The following ANGPT2 variants were observed in gnomAD, a reference collection of about 807,000 sequenced individuals.
The protein encoded by ANGPT2 is angiopoietin-2.
A neutral mutation model predicts 62.9 loss-of-function variants in ANGPT2; 28 were observed. The observed-to-expected ratio is 0.44, with a 90% CI of 0.33 to 0.61. The LOEUF is 0.61. Ranked by LOEUF, ANGPT2 falls within the 20% of genes least tolerant of loss-of-function variation. The pLI is 0.03. For synonymous variants in ANGPT2, 284 were observed against 207.8 expected, an observed-to-expected ratio of 1.37 and a Z score of -3.15; for missense variants, 727 against 594.9, an observed-to-expected ratio of 1.22 and a Z score of -2.31.
intron 1 of ANGPT2, among the ~76,000 whole-genome samples, chr8:6,548,469 C>T (rs1823008566): frequency 1.3e-5 from 2 of 152,138 alleles, no homozygotes; most frequent in East Asian, 1.9e-4. Flanking sequence ...CTCCTCTGCC[C>T]AGCTCGAGGA....
intron 7 of ANGPT2, among the ~76,000 whole-genome samples, chr8:6,510,652 T>C (rs775677716): frequency 2.6e-5 from 4 of 152,208 alleles, no homozygotes; most frequent in Admixed American, 1.3e-4. Flanking sequence ...GGTCAGACTC[T>C]TAAGTCATGG....
intron 1 of ANGPT2, among the ~76,000 whole-genome samples, chr8:6,538,935 C>G (rs1013237511): frequency 6.6e-6 from 1 of 152,164 alleles, no homozygotes; most frequent in Non-Finnish European, 1.5e-5. Context: ...GTTCTTGGTT[C>G]CCTGTCATGA....
chr8:6,518,922 T>C (rs80272031), intron 5 of ANGPT2, among the ~76,000 whole-genome samples: 1 of 152,118 alleles, frequency 6.6e-6, no homozygotes, highest in African/African-American at 2.4e-5. Context: ...TTTTTTTTTT[T>C]CCTTATCTAA....
intron 1 of ANGPT2, among the ~76,000 whole-genome samples, chr8:6,558,638 C>T (rs1825028901): frequency 6.6e-6 from 1 of 152,104 alleles, no homozygotes; most frequent in Admixed American, 6.6e-5. Context: ...AGTATTTAGA[C>T]TATATGGATT....
Position 6,526,301 on chromosome 8 carries a change from A to G in ANGPT2, c.566+1254T>C, listed in dbSNP as rs1818327681. On this transcript the variant is annotated intron_variant, in intron 3 of 8. Transcript: ENST00000629816. Reference sequence around the variant, plus strand: ...AAAAAAAAAATCAGCTGGGTGTGTGACACATGCCTGTAGTCCCAGCTACTC... The same window carrying G: ...AAAAAAAAAATCAGCTGGGTGTGTGGCACATGCCTGTAGTCCCAGCTACTC... Among the ~76,000 whole-genome samples, 3 of 147,536 alleles carry G rather than the reference A, an allele frequency of 2.0e-5. No homozygotes were observed. The South Asian group carries it at 6.5e-4, about 32-fold the overall frequency.
chr8:6,518,458 C>T (rs566195780), intron 5 of ANGPT2, among the ~76,000 whole-genome samples: 2 of 152,248 alleles, frequency 1.3e-5, no homozygotes, highest in East Asian at 3.9e-4. Flanking sequence ...AACTAATTTT[C>T]AGGGTTGATT....
chr8:6,517,538 T>C (rs1238746720), intron 5 of ANGPT2, among the ~76,000 whole-genome samples: 1 of 152,198 alleles, frequency 6.6e-6, no homozygotes, highest in Non-Finnish European at 1.5e-5. Flanking sequence ...CAAAGACCAA[T>C]TGAACATTCT....
At chr8:6,534,543 A>G (rs943224223) in intron 1 of ANGPT2, among the ~76,000 whole-genome samples, 5 of 152,226 alleles carry the variant, frequency 3.3e-5, no homozygotes, top group African/African-American at 9.6e-5. Flanking sequence ...TGCTGGGACT[A>G]CGAGCGTGAG....
intron 6 of ANGPT2, among the ~76,000 whole-genome samples, chr8:6,514,112 A>G (rs527264568): frequency 1.3e-5 from 2 of 152,358 alleles, no homozygotes; most frequent in African/African-American, 4.8e-5. Flanking sequence ...TAAACAGCTC[A>G]GTTCATGGGA....
chr8:6,543,949 T>C (rs940057657), intron 1 of ANGPT2, among the ~76,000 whole-genome samples: 2 of 152,256 alleles, frequency 1.3e-5, no homozygotes, highest in Non-Finnish European at 2.9e-5. Flanking sequence ...GGCTATGTTT[T>C]GCACCTTAAT....
At chr8:6,558,171 A>T (rs1393159010) in intron 1 of ANGPT2, among the ~76,000 whole-genome samples, 1 of 152,218 alleles carries the variant, frequency 6.6e-6, no homozygotes, top group Non-Finnish European at 1.5e-5. Context: ...TACGTGTTTT[A>T]AAAAGAAGGA....
intron 1 of ANGPT2, among the ~76,000 whole-genome samples, chr8:6,540,831 G>A (rs578227895): frequency 6.6e-6 from 1 of 152,260 alleles, no homozygotes; most frequent in African/African-American, 2.4e-5. Context: ...CAGGGGCGCC[G>A]CAGGGTGGTT....
At chr8:6,506,775 T>C (rs1252432393) in intron 8 of ANGPT2, among the ~76,000 whole-genome samples, 1 of 151,512 alleles carries the variant, frequency 6.6e-6, no homozygotes, top group Non-Finnish European at 1.5e-5. Flanking sequence ...AACCAGAGGA[T>C]TGCTTTTTTT....
chr8:6,508,604 C>G (rs561179047), intron 8 of ANGPT2: 438 of 464,130 alleles, frequency 9.4e-4, no homozygotes, highest in Non-Finnish European at 1.4e-3. Flanking sequence ...TTACATAAAG[C>G]AAAATGTAAT....
intron 1 of ANGPT2, among the ~76,000 whole-genome samples, chr8:6,552,361 C>T (rs145427890): frequency 2.6e-5 from 4 of 152,286 alleles, no homozygotes; most frequent in African/African-American, 9.6e-5. Flanking sequence ...GAGCAGTTTC[C>T]ACAGAGGCAC....
rs764515002 is a variant in ANGPT2, at chr8:6,521,365, G to A, written c.612C>T (p.Ile204=). ...TCTCTTCTTTTATTGACTGTAGTTG[G>A]ATGATGTGCTTGTCTTCCATAGCTA... The part of the protein sequence containing the change: ...KVLAMEDKHI[I]QLQSIKEEKD... Residue 204 remains isoleucine (I), a synonymous_variant, in exon 4 of 9, where the codon ATC becomes ATT. Transcript: ENST00000629816. The A allele has an allele frequency of 6.2e-7, 1 of 1,613,614 alleles. No homozygotes were observed. Among genetic ancestry groups the A allele is most frequent in the South Asian group, 1.1e-5 (1 of 91,060 alleles).
intron 1 of ANGPT2, among the ~76,000 whole-genome samples, chr8:6,546,762 C>G (rs185647680): frequency 1.3e-5 from 2 of 152,190 alleles, no homozygotes; most frequent in Non-Finnish European, 1.5e-5. Flanking sequence ...ATAAACTCAA[C>G]GTACCCTCTT....
At chr8:6,556,380 G>C (rs3020233) in intron 1 of ANGPT2, among the ~76,000 whole-genome samples, 20,443 of 152,044 alleles carry the variant, frequency 0.13, 3,806 homozygotes, top group African/African-American at 0.42. Flanking sequence ...AGCAACCATT[G>C]AGAAATAGTT....
At chr8:6,503,597 T>C (rs943651135) in intron 8 of ANGPT2, among the ~76,000 whole-genome samples, 7 of 152,178 alleles carry the variant, frequency 4.6e-5, no homozygotes, top group Admixed American at 6.5e-5. Context: ...TGAGGCACAG[T>C]TGGAAAACTC....
Sources: gnomAD v4.1 joint callset for allele counts (sites outside exome capture counted in the v4.1 genomes callset) on GRCh38, gnomAD v4.1.1 for gene constraint, MANE v1.5 for transcripts, NCBI Gene and HGNC (gene_info 2026-07-23, HGNC 2026-07-21) for gene names.